Variants in MTFR2 observed in about 807,000 individuals in gnomAD.
The protein encoded by MTFR2 is DUF729 domain-containing protein 1.
A neutral mutation model predicts 41.2 loss-of-function variants in MTFR2; 44 were observed. The ratio of observed to expected loss-of-function variants is 1.07; its 90% CI spans 0.84 to 1.37. The LOEUF (loss-of-function observed/expected upper bound fraction) is 1.37, where lower values mean the gene tolerates loss of function less well. Ranked by LOEUF, MTFR2 falls within the 40% of genes most tolerant of loss-of-function variation. The pLI, the probability that MTFR2 is intolerant of heterozygous loss-of-function variation, is 0.00. For missense variants in MTFR2, 452 were observed against 459.5 expected (o/e 0.98, Z 0.15); for synonymous variants, 141 against 154.6 (o/e 0.91, Z 0.65).
chr6:136,240,829 C>T lies in MTFR2; in HGVS notation c.514+615G>A, dbSNP rs186672367. Among the ~76,000 whole-genome samples the T allele has an allele frequency of 8.2e-4, 125 of 152,338 alleles. 1 individual carries two copies. The highest frequency in any genetic ancestry group is 3.7e-3 in the South Asian group (18 of 4,832). Reference sequence around the variant, plus strand: ...ACTGAGGGCCGGGCGCGGTGGCTCACGCCTGTAATCCCAGCACTTTGGGAG... The same window carrying T: ...ACTGAGGGCCGGGCGCGGTGGCTCATGCCTGTAATCCCAGCACTTTGGGAG... On this transcript the variant is annotated intron_variant, in intron 5 of 7. Transcript: ENST00000420702.
intron 5 of MTFR2, among the ~76,000 whole-genome samples, chr6:136,241,040 A>T (rs112399174): frequency 6.6e-6 from 1 of 151,720 alleles, no homozygotes; most frequent in Admixed American, 6.6e-5. Context: ...GCAGTGAGCC[A>T]AGATCGTGCC....
At position 136,239,766 on chromosome 6, in the gene MTFR2, C is replaced by T. The variant is rs565912508; in HGVS notation, c.569G>A (p.Arg190Gln). 51 of 1,613,882 alleles carry T rather than the reference C, an allele frequency of 3.2e-5. No individual in the cohort carries two copies. Among genetic ancestry groups the T allele is most frequent in the East Asian group, 6.7e-5 (3 of 44,872 alleles). The change falls in exon 6 of 8, where the codon CGG (arginine) becomes CAG (glutamine). Residue 190 changes from arginine to glutamine, a missense_variant. Coordinates refer to ENST00000420702, the MANE Select transcript of MTFR2 (RefSeq NM_001099286.3). ...RISLGQLSSS[R>Q]AAHLSVDPDQ... Reference sequence around the variant, plus strand: ...TGGGTCCACACTCAGATGGGCAGCCCGCGATGATGACAGCTGACCCAAACT... The same window carrying T: ...TGGGTCCACACTCAGATGGGCAGCCTGCGATGATGACAGCTGACCCAAACT...
intron 6 of MTFR2, among the ~76,000 whole-genome samples, chr6:136,238,694 A>T (rs539191366): frequency 2.6e-5 from 4 of 151,846 alleles, no homozygotes; most frequent in African/African-American, 7.3e-5. Context: ...ACACACACAC[A>T]CACACACACA....
chr6:136,232,159 T>C (rs1779775227), intron 7 of MTFR2, among the ~76,000 whole-genome samples: 1 of 152,168 alleles, frequency 6.6e-6, no homozygotes, highest in African/African-American at 2.4e-5. Context: ...ACATCAGATA[T>C]ATACACACAC....
At chr6:136,243,790 G>A (rs1780147437) in intron 3 of MTFR2, among the ~76,000 whole-genome samples, 1 of 151,908 alleles carries the variant, frequency 6.6e-6, no homozygotes, top group African/African-American at 2.4e-5. Flanking sequence ...AGAAGGTATT[G>A]TTATTATAGG....
At chr6:136,240,819 C>T (rs113017483) in intron 5 of MTFR2, among the ~76,000 whole-genome samples, 9,250 of 151,200 alleles carry the variant, frequency 0.061, 854 homozygotes, top group African/African-American at 0.2. Flanking sequence ...GGGCCGGGCG[C>T]GGTGGCTCAC....
chr6:136,237,447 TGGGA>T (rs1779936522), intron 6 of MTFR2, among the ~76,000 whole-genome samples: 2 of 152,164 alleles, frequency 1.3e-5, no homozygotes. Flanking sequence ...ATACTGTCAG[TGGGA>T]TAAGACCAAC....
chr6:136,233,408 A>G lies in MTFR2; in HGVS notation c.961T>C (p.Phe321Leu). 6.2e-7 allele frequency: 1 copy of G among 1,611,688 alleles called. No homozygotes were observed. Among genetic ancestry groups the G allele is most frequent in the Non-Finnish European group, 8.5e-7 (1 of 1,178,612 alleles). The change falls in exon 7 of 8, where the codon TTT (phenylalanine) becomes CTT (leucine). Residue 321 changes from phenylalanine (F) to leucine (L), a missense_variant. Physicochemically the swap from Phe to Leu is conservative, Grantham distance 22. Transcript: ENST00000420702. ...SLISHALKQK[F>L]AFQEDDSFEK... ...AAAGAATCATCTTCTTGAAATGCAA[A>G]TTTCTGTTTAAGTGCATGAGATATT...
At chr6:136,236,189 G>T (rs1016135552) in intron 6 of MTFR2, among the ~76,000 whole-genome samples, 1 of 152,224 alleles carries the variant, frequency 6.6e-6, no homozygotes, top group African/African-American at 2.4e-5. Flanking sequence ...CATGTGTTTT[G>T]AAGGTGGGAA....
intron 7 of MTFR2, among the ~76,000 whole-genome samples, chr6:136,232,652 C>T (rs1464018021): frequency 6.6e-6 from 1 of 152,166 alleles, no homozygotes; most frequent in Non-Finnish European, 1.5e-5. Flanking sequence ...GATGCTGTTC[C>T]TCTTCCACAC....
rs1218508929 is a variant in MTFR2, at chr6:136,242,846, A to G, written c.281+15T>C. ...AGTTTATAGCCCACTTCCCAAGATA[A>G]GCATATAAAATTACCGAAATCTGAG... On this transcript the variant is annotated intron_variant, in intron 4 of 7. Coordinates refer to ENST00000420702, the MANE Select transcript of MTFR2 (RefSeq NM_001099286.3). The G allele has an allele frequency of 3.8e-6, 6 of 1,582,260 alleles. No individual in the cohort carries two copies. In the Admixed American group the frequency reaches 1.0e-4, roughly 27 times the overall value.
chr6:136,233,443 G>A lies in MTFR2; in HGVS notation c.926C>T (p.Pro309Leu), dbSNP rs748465779. 1.9e-6 allele frequency: 3 copies of A among 1,594,422 alleles called. No homozygotes were observed. The highest frequency in any genetic ancestry group is 2.6e-6 in the Non-Finnish European group (3 of 1,166,594). ...AAGTGCATGAGATATTAAAGAAACT[G>A]GATCCCAATGTGAATTCTGTCTTTT... is the stretch of plus-strand genomic sequence containing the variant. Reference protein sequence around the residue: ...KRKRQNSHWDPVSLISHALKQ... With the variant: ...KRKRQNSHWDLVSLISHALKQ... Residue 309 changes from proline (P) to leucine (L), a missense_variant, in exon 7 of 8, where the codon CCA becomes CTA. Pro to Leu is a moderately conservative substitution (Grantham distance 98). Transcript: ENST00000420702.
At position 136,233,487 on chromosome 6, in the gene MTFR2, A is replaced by C; in HGVS notation, c.882T>G (p.Gly294=). 1 of 1,500,384 alleles carries C rather than the reference A, an allele frequency of 6.7e-7. No individual in the cohort carries two copies. The highest frequency in any genetic ancestry group is 1.4e-5 in the South Asian group (1 of 73,076). The allele number at this position is 1,500,384 out of a possible 1,614,324, so 92.9% of individuals were successfully genotyped here. Reference sequence around the variant, plus strand: ...GTCTTTTCCTCTTATGAATGGGTCTACCGCCAGGTGACCTATTTTTTAAAA... The same window carrying C: ...GTCTTTTCCTCTTATGAATGGGTCTCCCGCCAGGTGACCTATTTTTTAAAA... ...KLRAIERSPG[G]RPIHKRKRQN... is the part of the protein sequence containing the mutation. Residue 294 remains glycine, a synonymous_variant, in exon 7 of 8, where the codon GGT becomes GGG. Transcript: ENST00000420702.
At chr6:136,240,859 AG>A (rs1780038941) in intron 5 of MTFR2, among the ~76,000 whole-genome samples, 1 of 152,208 alleles carries the variant, frequency 6.6e-6, no homozygotes. Context: ...TGGGAGGCCA[AG>A]GCGGGCAGAT....
At chr6:136,247,374 C>A in intron 2 of MTFR2, 2 of 353,844 alleles carry the variant, frequency 5.7e-6, no homozygotes, top group Middle Eastern at 3.8e-4. Flanking sequence ...TCTCTTTTCA[C>A]TCTCTCTCAC....
intron 3 of MTFR2, among the ~76,000 whole-genome samples, chr6:136,244,248 C>T (rs1780157327): frequency 1.3e-5 from 2 of 152,210 alleles, no homozygotes; most frequent in Admixed American, 1.3e-4. Flanking sequence ...CTCACTGACT[C>T]ACCCAGAGCA....
Position 136,241,563 on chromosome 6 carries a change from A to T in MTFR2, c.395T>A (p.Leu132Gln). ...VRQKETVKND[L>Q]PVNEAAIRKI... ...TCTAATTGCAGCTTCATTTACAGGC[A>T]GGTCATTTTTCACAGTTTCTTTCTG... Residue 132 changes from leucine to glutamine, a missense_variant, in exon 5 of 8, where the codon CTG becomes CAG. Coordinates refer to ENST00000420702, the MANE Select transcript of MTFR2 (RefSeq NM_001099286.3). 1 of 1,614,206 alleles carries T rather than the reference A, an allele frequency of 6.2e-7. No individual in the cohort carries two copies. Among genetic ancestry groups the T allele is most frequent in the Non-Finnish European group, 8.5e-7 (1 of 1,180,034 alleles).
chr6:136,235,807 C>G (rs1359850531), intron 6 of MTFR2, among the ~76,000 whole-genome samples: 2 of 152,174 alleles, frequency 1.3e-5, no homozygotes, highest in South Asian at 2.1e-4. Flanking sequence ...TGGCACATGC[C>G]TGTAGTCCCA....
At chr6:136,239,851 T>C (rs750588838) in intron 5 of MTFR2, 31 bp from the exon 6 acceptor site, 4 of 1,537,740 alleles carry the variant, frequency 2.6e-6, no homozygotes, top group Non-Finnish European at 3.5e-6. Flanking sequence ...TACAAAATCA[T>C]GCACAATTAT....
Sources: gnomAD v4.1 joint callset for allele counts (sites outside exome capture counted in the v4.1 genomes callset) on GRCh38, gnomAD v4.1.1 for gene constraint, MANE v1.5 for transcripts, NCBI Gene and HGNC (gene_info 2026-07-23, HGNC 2026-07-21) for gene names.